Variants in PCLO observed in about 807,000 individuals in gnomAD.
The protein encoded by PCLO is piccolo presynaptic cytomatrix protein.
Under a neutral mutation model 427.5 loss-of-function variants are expected in PCLO, and 82 were observed. That is an observed-to-expected ratio of 0.19 (90% confidence interval 0.16 to 0.23). The LOEUF is 0.23. Among genes scored for constraint, PCLO ranks in the 10% least tolerant of loss-of-function variants. The probability of loss-of-function intolerance (pLI) is 1.00; values close to 1 mark genes in which losing one functional copy is unlikely to be tolerated. For synonymous variants in PCLO, 2,357 were observed against 2,155.4 expected, an observed-to-expected ratio of 1.09 and a Z score of -2.59; for missense variants, 6,239 against 6,115.9, an observed-to-expected ratio of 1.02 and a Z score of -0.67.
chr7:82,957,846 C>T (rs921219513), intron 4 of PCLO, among the ~76,000 whole-genome samples: 5 of 152,186 alleles, frequency 3.3e-5, no homozygotes, highest in Non-Finnish European at 2.9e-5. Flanking sequence ...CATGGGCTTT[C>T]CAGAGATCTG....
chr7:82,955,222 A>T lies in PCLO; in HGVS notation c.5731T>A (p.Leu1911Ile). Residue 1911 changes from leucine (L) to isoleucine (I), a missense_variant, in exon 5 of 25, where the codon TTA becomes ATA. Leu to Ile is a conservative substitution (Grantham distance 5). Around this residue, in one of 5 missense-constraint regions of PCLO, gnomAD observed 4,677 missense variants for 4,468.4 expected, o/e 1.05. Transcript: ENST00000333891. ...IMQKEGSQKA[L>I]KSAEEMYEEM... ...TCATACATCTCCTCAGCACTTTTTA[A>T]CGCCTTTTGGCTACCTTCTTTCTGC... The T allele has an allele frequency of 1.9e-6, 3 of 1,613,734 alleles. No individual in the cohort carries two copies. Among genetic ancestry groups the T allele is most frequent in the Non-Finnish European group, 2.5e-6 (3 of 1,179,788 alleles).
intron 1 of PCLO, among the ~76,000 whole-genome samples, chr7:83,162,077 G>C (rs893392002): frequency 1.3e-5 from 2 of 152,174 alleles, no homozygotes; most frequent in East Asian, 1.9e-4. Context: ...ATCCTAGAGG[G>C]GAAGGGCTAC....
At chr7:82,862,949 G>A (rs1792999421) in intron 10 of PCLO, among the ~76,000 whole-genome samples, 1 of 151,912 alleles carries the variant, frequency 6.6e-6, no homozygotes, top group Non-Finnish European at 1.5e-5. Context: ...ACAATAGTGT[G>A]ACTATAGTCA....
chr7:83,080,884 T>C (rs1361798544), intron 3 of PCLO, among the ~76,000 whole-genome samples: 1 of 151,900 alleles, frequency 6.6e-6, no homozygotes, highest in African/African-American at 2.4e-5. Context: ...AAAAGTTTAA[T>C]TTATAAATTA....
At chr7:82,864,816 A>C (rs1265834538) in intron 10 of PCLO, among the ~76,000 whole-genome samples, 2 of 152,226 alleles carry the variant, frequency 1.3e-5, no homozygotes. Flanking sequence ...GATTTAAAAA[A>C]AATAAGACAG....
At chr7:83,086,825 T>C (rs1051609400) in intron 3 of PCLO, among the ~76,000 whole-genome samples, 1 of 152,052 alleles carries the variant, frequency 6.6e-6, no homozygotes, top group South Asian at 2.1e-4. Flanking sequence ...GCCCAACAGA[T>C]ACACAGGCAA....
At chr7:83,071,762 T>C (rs1409484301) in intron 3 of PCLO, among the ~76,000 whole-genome samples, 1 of 152,192 alleles carries the variant, frequency 6.6e-6, no homozygotes, top group Non-Finnish European at 1.5e-5. Context: ...TCCTTTTGAA[T>C]GAACTTTCAA....
intron 3 of PCLO, among the ~76,000 whole-genome samples, chr7:83,127,950 C>G (rs1002221553): frequency 6.6e-6 from 1 of 152,102 alleles, no homozygotes; most frequent in African/African-American, 2.4e-5. Flanking sequence ...GATCTATCTT[C>G]TCTGTAGACC....
intron 3 of PCLO, among the ~76,000 whole-genome samples, chr7:83,120,025 C>A (rs940985069): frequency 2.0e-5 from 3 of 151,790 alleles, no homozygotes; most frequent in Non-Finnish European, 4.4e-5. Flanking sequence ...AGCATGCCTA[C>A]AAGATCTAGA....
intron 15 of PCLO, among the ~76,000 whole-genome samples, chr7:82,837,919 A>C (rs1209914497): frequency 6.6e-6 from 1 of 151,974 alleles, no homozygotes; most frequent in Admixed American, 6.6e-5. Context: ...AATTCCTTAA[A>C]TGATTTCATA....
At chr7:82,794,469 T>TTTTTTTTTTTTTC (rs1791181597) in intron 22 of PCLO, among the ~76,000 whole-genome samples, 1 of 93,780 alleles carries the variant, frequency 1.1e-5, no homozygotes, top group Non-Finnish European at 2.1e-5. Context: ...CTTTTTTTTT[T>TTTTTTTTTTTTTC]TTTTTTTTTT....
chr7:82,860,107 T>G (rs183044257), intron 10 of PCLO, among the ~76,000 whole-genome samples: 1 of 152,106 alleles, frequency 6.6e-6, no homozygotes, highest in Non-Finnish European at 1.5e-5. Flanking sequence ...AATCTAATAG[T>G]TATTGGCCTT....
chr7:82,775,701 A>G (rs904003710), intron 22 of PCLO, among the ~76,000 whole-genome samples: 2 of 152,102 alleles, frequency 1.3e-5, no homozygotes, highest in Admixed American at 6.6e-5. Context: ...TCTTTCTCAG[A>G]TCAGAAATGT....
chr7:83,101,912 G>A (rs1790748276), intron 3 of PCLO, among the ~76,000 whole-genome samples: 1 of 151,828 alleles, frequency 6.6e-6, no homozygotes, highest in African/African-American at 2.4e-5. Context: ...TTTTTTCTGA[G>A]GAGATAATGT....
chr7:82,984,552 A>G (rs1740472589), intron 3 of PCLO, among the ~76,000 whole-genome samples: 1 of 151,880 alleles, frequency 6.6e-6, no homozygotes, highest in Non-Finnish European at 1.5e-5. Flanking sequence ...CACTGTCATT[A>G]TTGTAATAAA....
intron 10 of PCLO, among the ~76,000 whole-genome samples, chr7:82,872,922 A>G (rs1182006614): frequency 6.6e-6 from 1 of 152,150 alleles, no homozygotes; most frequent in Non-Finnish European, 1.5e-5. Flanking sequence ...TTTTCAAATA[A>G]GCAAAACGAA....
intron 3 of PCLO, among the ~76,000 whole-genome samples, chr7:83,096,896 T>A: frequency 1.9e-5 from 1 of 53,182 alleles, no homozygotes; most frequent in African/African-American, 1.2e-4. Flanking sequence ...ATATAATATA[T>A]TAATATTATA....
At chr7:83,018,456 T>C (rs1583912880) in intron 3 of PCLO, among the ~76,000 whole-genome samples, 1 of 152,018 alleles carries the variant, frequency 6.6e-6, no homozygotes, top group Non-Finnish European at 1.5e-5. Flanking sequence ...TGAGCACTAT[T>C]ATAACCAAAA....
rs1456396608 is a variant in PCLO at position 82,852,971 on chromosome 7, A to C, written c.13655-5724T>G. ...TACATATGGAGTGAGAACACGCAAT[A>C]TTTTATTTTCTATGACTGGCTTATT... On this transcript the variant is annotated intron_variant, in intron 10 of 24. Coordinates refer to ENST00000333891, the MANE Select transcript of PCLO (RefSeq NM_033026.6). Among the ~76,000 whole-genome samples the C allele has an allele frequency of 2.0e-5, 3 of 152,016 alleles. No homozygotes were observed. The South Asian group carries it at 6.2e-4, about 32-fold the overall frequency.
Sources: gnomAD v4.1 joint callset for allele counts (sites outside exome capture counted in the v4.1 genomes callset) on GRCh38, gnomAD v4.1.1 for gene constraint, gnomAD v4.1.1 regional missense constraint, MANE v1.5 for transcripts, NCBI Gene and HGNC (gene_info 2026-07-23, HGNC 2026-07-21) for gene names.